Variants in ANO3 observed in about 807,000 individuals in gnomAD.
ANO3 encodes anoctamin 3, also known as anoctamin-3.
Under a neutral mutation model 144.8 loss-of-function variants are expected in ANO3, and 99 were observed. That is an observed-to-expected ratio of 0.68 (90% CI 0.58 to 0.81). The LOEUF is 0.81. Ranked by LOEUF, ANO3 falls within the 30% of genes least tolerant of loss-of-function variation. The pLI, the probability that ANO3 is intolerant of heterozygous loss-of-function variation, is 0.00. For synonymous variants in ANO3, 414 were observed against 392.6 expected, an observed-to-expected ratio of 1.05 and a Z score of -0.64; for missense variants, 905 against 1,202.2, an observed-to-expected ratio of 0.75 and a Z score of 3.66.
At chr11:26,333,590 TTTTG>T (rs1855118009) in intron 1 of ANO3, among the ~76,000 whole-genome samples, 1 of 152,138 alleles carries the variant, frequency 6.6e-6, no homozygotes, top group Non-Finnish European at 1.5e-5. Context: ...CCCTTGACTT[TTTTG>T]TTTGTTTTTA....
At chr11:26,567,455 GGTCTACA>G (rs1270640059) in intron 14 of ANO3, among the ~76,000 whole-genome samples, 1 of 151,612 alleles carries the variant, frequency 6.6e-6, no homozygotes. Context: ...TTTTCATTAG[GGTCTACA>G]GAGCTTCTAA....
At chr11:26,362,100 C>T (rs551128342) in intron 1 of ANO3, among the ~76,000 whole-genome samples, 135 of 152,204 alleles carry the variant, frequency 8.9e-4, no homozygotes, top group African/African-American at 3.0e-3. Context: ...CTGATGCCTA[C>T]GCCATAAATT....
chr11:26,406,226 A>G (rs2133979989), intron 1 of ANO3, among the ~76,000 whole-genome samples: 1 of 151,966 alleles, frequency 6.6e-6, no homozygotes. Context: ...CTATGCCCTC[A>G]CTTAGCAGAA....
At chr11:26,533,163 G>C (rs753781003) in intron 8 of ANO3, among the ~76,000 whole-genome samples, 1 of 152,026 alleles carries the variant, frequency 6.6e-6, no homozygotes, top group Non-Finnish European at 1.5e-5. Context: ...AATGTATTAA[G>C]AAAGACAGAA....
At chr11:26,425,021 A>G (rs1248939358) in intron 1 of ANO3, among the ~76,000 whole-genome samples, 3 of 151,836 alleles carry the variant, frequency 2.0e-5, no homozygotes. Context: ...ATATCTCCTA[A>G]TGCTATCCCT....
chr11:26,531,364 C>T, intron 8 of ANO3, 28 bp downstream of exon 8: 1 of 1,589,084 alleles, frequency 6.3e-7, no homozygotes, highest in Non-Finnish European at 8.5e-7. Flanking sequence ...TTCATACTGC[C>T]TACCTTTATA....
chr11:26,390,601 C>T (rs1309488738), intron 1 of ANO3, among the ~76,000 whole-genome samples: 1 of 152,062 alleles, frequency 6.6e-6, no homozygotes, highest in African/African-American at 2.4e-5. Flanking sequence ...CATTCATAAT[C>T]ATTAATAAGG....
chr11:26,230,209 G>C (rs1337506100), intron 1 of ANO3, among the ~76,000 whole-genome samples: 3 of 152,148 alleles, frequency 2.0e-5, no homozygotes, highest in Non-Finnish European at 2.9e-5. Context: ...TGTTGGAGCA[G>C]ACAGCAGAGG....
intron 17 of ANO3, among the ~76,000 whole-genome samples, chr11:26,603,704 CAATCA>C (rs1213028292): frequency 3.3e-5 from 5 of 152,028 alleles, no homozygotes; most frequent in Non-Finnish European, 7.4e-5. Flanking sequence ...TAAGAAATTA[CAATCA>C]AATATTAACA....
chr11:26,549,133 G>C (rs1849864267), intron 12 of ANO3, among the ~76,000 whole-genome samples: 1 of 151,960 alleles, frequency 6.6e-6, no homozygotes, highest in South Asian at 2.1e-4. Flanking sequence ...GAATAGATTT[G>C]CTGTTTCTAT....
chr11:26,460,247 A>G, intron 3 of ANO3: 1 of 302,890 alleles, frequency 3.3e-6, no homozygotes, highest in South Asian at 2.8e-5. Context: ...TCTGTTAATA[A>G]GCATTTATTG....
intron 1 of ANO3, among the ~76,000 whole-genome samples, chr11:26,401,675 G>A (rs1162606321): frequency 2.6e-5 from 4 of 151,906 alleles, no homozygotes; most frequent in African/African-American, 7.2e-5. Context: ...TCAGGAGTTC[G>A]AGACCAGCCT....
At chr11:26,497,473 A>G (rs55958924) in intron 4 of ANO3, among the ~76,000 whole-genome samples, 2 of 152,042 alleles carry the variant, frequency 1.3e-5, no homozygotes, top group Non-Finnish European at 2.9e-5. Context: ...AACCACAATG[A>G]GATACTATCT....
At position 26,228,383 on chromosome 11, in the gene ANO3, A is replaced by G. The variant is rs151331768; in HGVS notation, c.154+39053A>G. Among the ~76,000 whole-genome samples the G allele has an allele frequency of 8.6e-4, 131 of 152,364 alleles. 1 individual carries two copies. The highest frequency in any genetic ancestry group is 3.1e-3 in the African/African-American group (127 of 41,594). Reference sequence around the variant, plus strand: ...GGGTCCTGTCTGTGCTCCTTTTACTATAAGAAAAAGCTGCTGAATAACAAG... The same window carrying G: ...GGGTCCTGTCTGTGCTCCTTTTACTGTAAGAAAAAGCTGCTGAATAACAAG... On this transcript the variant is annotated intron_variant, in intron 1 of 27. Transcript: ENST00000672621.
chr11:26,338,330 A>G (rs537703067), intron 1 of ANO3, among the ~76,000 whole-genome samples: 129 of 152,174 alleles, frequency 8.5e-4, no homozygotes, highest in Non-Finnish European at 1.6e-3. Context: ...AAACGCACCA[A>G]TCGGCATTCT....
At chr11:26,563,640 A>T (rs1415360794) in intron 14 of ANO3, among the ~76,000 whole-genome samples, 1 of 151,920 alleles carries the variant, frequency 6.6e-6, no homozygotes, top group African/African-American at 2.4e-5. Context: ...GATGAAATGA[A>T]TTTTGCACTT....
chr11:26,304,336 T>C (rs886855782), intron 1 of ANO3, among the ~76,000 whole-genome samples: 1 of 152,160 alleles, frequency 6.6e-6, no homozygotes, highest in Non-Finnish European at 1.5e-5. Context: ...GCATTAAGGA[T>C]TTATATGTAA....
intron 23 of ANO3, among the ~76,000 whole-genome samples, chr11:26,647,067 A>G (rs7123891): frequency 0.021 from 3,220 of 152,216 alleles, 110 homozygotes; most frequent in African/African-American, 0.069. Flanking sequence ...TTTTTCTCAT[A>G]CATATTTTTA....
chr11:26,479,141 G>A (rs1860101774), intron 4 of ANO3, among the ~76,000 whole-genome samples: 1 of 152,178 alleles, frequency 6.6e-6, no homozygotes, highest in Admixed American at 6.5e-5. Context: ...AGAACCAGCT[G>A]TTATTAAAGC....
Sources: allele counts gnomAD v4.1 joint callset (sites outside exome capture counted in the v4.1 genomes callset), GRCh38; gene constraint gnomAD v4.1.1; transcripts MANE v1.5; gene names NCBI Gene and HGNC (gene_info 2026-07-23, HGNC 2026-07-21).